Variants in SNTB2 observed in about 807,000 individuals in gnomAD.
The protein encoded by SNTB2 is beta-2-syntrophin.
A neutral mutation model predicts 46.2 loss-of-function variants in SNTB2; 34 were observed. The observed-to-expected ratio is 0.74, with a 90% CI of 0.56 to 0.98. The LOEUF is 0.98. Ranked by LOEUF, SNTB2 falls within the 50% of genes least tolerant of loss-of-function variation. SNTB2 has a pLI of 0.00. For synonymous variants in SNTB2, 290 were observed against 312.6 expected, an observed-to-expected ratio of 0.93 and a Z score of 0.76; for missense variants, 603 against 731.4, an observed-to-expected ratio of 0.82 and a Z score of 2.02.
intron 2 of SNTB2, among the ~76,000 whole-genome samples, chr16:69,248,212 C>G (rs1326302867): frequency 6.6e-6 from 1 of 152,138 alleles, no homozygotes; most frequent in East Asian, 1.9e-4. Context: ...TTTAAAAGTT[C>G]AAGACATTGT....
At chr16:69,263,266 C>A (rs553267059) in intron 3 of SNTB2, among the ~76,000 whole-genome samples, 2 of 151,978 alleles carry the variant, frequency 1.3e-5, no homozygotes, top group Non-Finnish European at 2.9e-5. Context: ...ACCACCACAC[C>A]AAGCTAATTT....
At chr16:69,248,441 C>G (rs1246224040) in intron 2 of SNTB2, among the ~76,000 whole-genome samples, 1 of 152,040 alleles carries the variant, frequency 6.6e-6, no homozygotes, top group Non-Finnish European at 1.5e-5. Flanking sequence ...CAAGACCAGC[C>G]TGGCTAATAT....
Position 69,306,999 on chromosome 16 carries a change from T to G in SNTB2, c.*6075T>G, listed in dbSNP as rs1965321833. The stretch of plus-strand genomic sequence containing the variant: ...GAGTCCCCTAAGTCCCTTTCTCAGT[T>G]TGCAATAATCTTACGTCCATGCTAT... On this transcript the variant is annotated 3_prime_UTR_variant, in exon 7 of 7. Transcript: ENST00000336278. 6.6e-6 allele frequency: 1 copy of G among 152,218 alleles called. No homozygotes were observed. The highest frequency in any genetic ancestry group is 1.5e-5 in the Non-Finnish European group (1 of 68,042). The allele number at this position is 152,218 out of a possible 1,614,324, so 9.4% of individuals were successfully genotyped here.
At chr16:69,235,622 G>C in intron 1 of SNTB2, 1 of 1,160,040 alleles carries the variant, frequency 8.6e-7, no homozygotes, top group Non-Finnish European at 1.1e-6. Flanking sequence ...AGGAAGAAAG[G>C]CGGGAAGTGG....
At chr16:69,299,833 C>A in intron 6 of SNTB2, 59 bp downstream of exon 6, 1 of 1,491,950 alleles carries the variant, frequency 6.7e-7, no homozygotes. Flanking sequence ...CTTCTCATTA[C>A]TTCTTACCCC....
intron 3 of SNTB2, among the ~76,000 whole-genome samples, chr16:69,262,306 T>G (rs993051181): frequency 2.0e-5 from 3 of 152,130 alleles, no homozygotes. Context: ...ATTTCTTTTT[T>G]GTTGCTTTTT....
At chr16:69,276,151 G>T (rs1597196454) in intron 4 of SNTB2, among the ~76,000 whole-genome samples, 1 of 151,910 alleles carries the variant, frequency 6.6e-6, no homozygotes, top group Admixed American at 6.6e-5. Context: ...TTCAGGATAT[G>T]GATTTTGTTG....
At chr16:69,240,483 G>T (rs1456489259) in intron 1 of SNTB2, 1 of 152,214 alleles carries the variant, frequency 6.6e-6, no homozygotes. Flanking sequence ...TGAGAGAAGA[G>T]CTTGGGATGA....
chr16:69,226,399 A>C (rs1269586651), intron 1 of SNTB2, among the ~76,000 whole-genome samples: 3 of 152,116 alleles, frequency 2.0e-5, no homozygotes, highest in Non-Finnish European at 4.4e-5. Context: ...AAAAAAAAAA[A>C]AAACTTTGTT....
chr16:69,300,153 C>T (rs1308593201), intron 6 of SNTB2, among the ~76,000 whole-genome samples: 1 of 152,114 alleles, frequency 6.6e-6, no homozygotes, highest in Admixed American at 6.6e-5. Flanking sequence ...CCATCTTGGC[C>T]TCCCAAGGTG....
chr16:69,235,658 A>G lies in SNTB2; in HGVS notation c.581-9944A>G, dbSNP rs1426505344. On this transcript the variant is annotated intron_variant, in intron 1 of 6. Coordinates refer to ENST00000336278, the MANE Select transcript of SNTB2 (RefSeq NM_006750.4). ...GGAGCAGAAAGAAAGAAAACAAAAC[A>G]AAAAACCCTGGCACCAATATGACAG... 4.9e-6 allele frequency: 6 copies of G among 1,217,132 alleles called. No homozygotes were observed. In the South Asian group the frequency reaches 5.8e-5, roughly 12 times the overall value. 75.4% of individuals were successfully genotyped at this position (1,217,132 alleles called of 1,614,324 possible). A position where few individuals can be genotyped will look rare whatever the true frequency, so the allele number is the denominator to read the frequency against.
intron 5 of SNTB2, among the ~76,000 whole-genome samples, chr16:69,290,282 A>G (rs1163382932): frequency 6.6e-6 from 1 of 152,168 alleles, no homozygotes; most frequent in Admixed American, 6.6e-5. Context: ...ATTTGAAACT[A>G]TTTTAAAAAT....
intron 1 of SNTB2, among the ~76,000 whole-genome samples, chr16:69,242,587 A>G (rs927673533): frequency 2.6e-5 from 4 of 152,238 alleles, no homozygotes; most frequent in Non-Finnish European, 5.9e-5. Context: ...AGCACTATTG[A>G]TATTTTGATT....
intron 2 of SNTB2, among the ~76,000 whole-genome samples, chr16:69,253,339 T>G (rs1964743475): frequency 6.6e-6 from 1 of 152,064 alleles, no homozygotes; most frequent in African/African-American, 2.4e-5. Flanking sequence ...AATCGCAAAA[T>G]TTTTCTTTTC....
chr16:69,217,764 G>T lies in SNTB2; in HGVS notation c.581-27838G>T, dbSNP rs1186766701. On this transcript the variant is annotated intron_variant, in intron 1 of 6. Coordinates refer to ENST00000336278, the MANE Select transcript of SNTB2 (RefSeq NM_006750.4). ...GTAGGCTGGCTGTGACTTAGAAGAA[G>T]TTTTCTGATTTCTTTAGGCCTCAGA... is the stretch of plus-strand genomic sequence containing the variant. 2.0e-5 allele frequency among the ~76,000 whole-genome samples: 3 copies of T among 152,114 alleles called. No individual in the cohort carries two copies. In the East Asian group the frequency reaches 5.8e-4, roughly 29 times the overall value.
chr16:69,279,515 CTTTT>C (rs57637291), intron 4 of SNTB2, among the ~76,000 whole-genome samples: 281 of 71,672 alleles, frequency 3.9e-3, no homozygotes, highest in Non-Finnish European at 6.5e-3. Flanking sequence ...GTCCTTTGCC[CTTTT>C]TTTTTTTTTT....
chr16:69,241,616 G>A (rs1370378631), intron 1 of SNTB2, among the ~76,000 whole-genome samples: 1 of 150,136 alleles, frequency 6.7e-6, no homozygotes, highest in Non-Finnish European at 1.5e-5. Context: ...GTGAAACCCC[G>A]TCTCTACTAA....
At chr16:69,297,694 T>C (rs980879766) in intron 5 of SNTB2, among the ~76,000 whole-genome samples, 1 of 151,584 alleles carries the variant, frequency 6.6e-6, no homozygotes, top group South Asian at 2.1e-4. Context: ...GATGGATCCC[T>C]TGCAGTCAGG....
At chr16:69,260,846 C>T (rs1249402380) in intron 3 of SNTB2, among the ~76,000 whole-genome samples, 3 of 151,836 alleles carry the variant, frequency 2.0e-5, no homozygotes, top group Non-Finnish European at 2.9e-5. Context: ...AAATACTTTA[C>T]AATTAGACAG....
Sources: allele counts gnomAD v4.1 joint callset (sites outside exome capture counted in the v4.1 genomes callset), GRCh38; gene constraint gnomAD v4.1.1; transcripts MANE v1.5; gene names NCBI Gene and HGNC (gene_info 2026-07-23, HGNC 2026-07-21).